The following RHOBTB3 variants were observed in gnomAD, a reference collection of about 807,000 sequenced individuals.
RHOBTB3 encodes Rho related BTB domain containing 3, also known as rho-related BTB domain-containing protein 3.
In RHOBTB3, 47 loss-of-function variants were observed where a neutral mutation model predicts 67.2. The ratio of observed to expected loss-of-function variants is 0.70; its 90% CI spans 0.55 to 0.89. RHOBTB3 has a LOEUF of 0.89. Among genes scored for constraint, RHOBTB3 ranks in the 40% least tolerant of loss-of-function variants. RHOBTB3 has a pLI of 0.00. For synonymous variants in RHOBTB3, 273 were observed against 274.2 expected (o/e 1.00, Z 0.04); for missense variants, 631 against 750.0 (o/e 0.84, Z 1.85).
At chr5:95,768,803 T>C (rs767665637) in intron 8 of RHOBTB3, among the ~76,000 whole-genome samples, 1 of 152,226 alleles carries the variant, frequency 6.6e-6, no homozygotes, top group Non-Finnish European at 1.5e-5. Context: ...TATTGATCAC[T>C]GGCTTGGATA....
At chr5:95,758,938 G>A (rs1745320448) in intron 6 of RHOBTB3, among the ~76,000 whole-genome samples, 1 of 152,218 alleles carries the variant, frequency 6.6e-6, no homozygotes, top group Non-Finnish European at 1.5e-5. Context: ...GGCCCAGGAA[G>A]GCTACCAAGT....
intron 9 of RHOBTB3, 81 bp from the exon 10 acceptor site, chr5:95,783,716 T>C: frequency 3.3e-6 from 4 of 1,223,674 alleles, no homozygotes; most frequent in Non-Finnish European, 4.6e-6. Flanking sequence ...TTAATTGTTG[T>C]TTTTTGTTGG....
At chr5:95,719,605 TA>T (rs746669330) in intron 1 of RHOBTB3, 4 of 152,210 alleles carry the variant, frequency 2.6e-5, no homozygotes, top group African/African-American at 9.6e-5. Flanking sequence ...AATCTAATAG[TA>T]AAAAACATAT....
intron 9 of RHOBTB3, among the ~76,000 whole-genome samples, chr5:95,783,241 C>A (rs1204003379): frequency 6.6e-6 from 1 of 152,012 alleles, no homozygotes; most frequent in East Asian, 1.9e-4. Flanking sequence ...CCTGCCTCAG[C>A]CTCCCCAGTA....
In RHOBTB3 at chr5:95,731,856, C is replaced by CAG. The variant is rs779063173; in HGVS notation, c.3-2_3-1dup. The CAG allele has an allele frequency of 6.2e-7, 1 of 1,611,226 alleles. No homozygotes were observed. The highest frequency in any genetic ancestry group is 8.5e-7 in the Non-Finnish European group (1 of 1,177,920). On this transcript the variant is annotated splice_region_variant and splice_polypyrimidine_tract_variant and intron_variant, in intron 1 of 11. Transcript: ENST00000379982. ...TCTCCCCTCGCCCCCTCTGTCCGTG[C>CAG]AGGTCCATCCACATCGTGGCGCTGG...
In RHOBTB3 at chr5:95,768,171, G is replaced by A. The variant is rs375385622; in HGVS notation, c.1282+5G>A. 25 of 1,600,162 alleles carry A rather than the reference G, an allele frequency of 1.6e-5. No homozygotes were observed. In the African/African-American group the frequency reaches 2.4e-4, roughly 16 times the overall value. Reference sequence around the variant, plus strand: ...ATGTTGTCTTCGAAATTCAAGGTACGGATCAACTTTTACAAAGTTTATGAT... The same window carrying A: ...ATGTTGTCTTCGAAATTCAAGGTACAGATCAACTTTTACAAAGTTTATGAT... On this transcript the variant is annotated splice_donor_5th_base_variant and intron_variant, in intron 8 of 11. Transcript: ENST00000379982.
chr5:95,762,877 G>A (rs769297589), intron 6 of RHOBTB3, among the ~76,000 whole-genome samples: 1 of 152,212 alleles, frequency 6.6e-6, no homozygotes, highest in South Asian at 2.1e-4. Flanking sequence ...GAGGCTGACA[G>A]AGTGGGAGAA....
chr5:95,721,714 A>G (rs1253092484), intron 1 of RHOBTB3, among the ~76,000 whole-genome samples: 1 of 151,326 alleles, frequency 6.6e-6, no homozygotes, highest in Non-Finnish European at 1.5e-5. Flanking sequence ...AAAAAGGAAC[A>G]TGAAGATCAG....
intron 8 of RHOBTB3, among the ~76,000 whole-genome samples, chr5:95,778,178 T>C (rs1043523490): frequency 2.6e-5 from 4 of 151,960 alleles, no homozygotes; most frequent in Admixed American, 1.3e-4. Flanking sequence ...TCCAAGGACC[T>C]CCTGCAGATA....
rs747195582 is a variant in RHOBTB3 at position 95,763,653 on chromosome 5, G to GA, written c.1161+34dup. 1.2e-5 allele frequency: 16 copies of GA among 1,285,192 alleles called. No homozygotes were observed. The East Asian group carries it at 3.5e-4, about 28-fold the overall frequency. 79.6% of individuals were successfully genotyped at this position (1,285,192 alleles called of 1,614,324 possible). A position where few individuals can be genotyped will look rare whatever the true frequency, so the allele number is the denominator to read the frequency against. On this transcript the variant is annotated intron_variant, in intron 7 of 11. Transcript: ENST00000379982. ...GATTTGTTGTAAGTTAGTTTACTTT[G>GA]ACCCTCTGAATTATAACTCACATAC... is the stretch of plus-strand genomic sequence containing the variant.
rs1745218909 is a variant in RHOBTB3 at position 95,755,559 on chromosome 5, G to C, written c.846G>C (p.Met282Ile). ...TCTGCGCTGTAAGCCATGTTTTCAT[G>C]CTGCTTTTCAATGTGAAGAGTCCCA... is the stretch of plus-strand genomic sequence containing the variant. Reference protein sequence around the residue: ...IVLCAVSHVFMLLFNVKSPTD... With the variant: ...IVLCAVSHVFILLFNVKSPTD... Residue 282 changes from methionine to isoleucine, a missense_variant, in exon 6 of 12, where the codon ATG becomes ATC. By Grantham distance (10) the Met-to-Ile change is conservative. Coordinates refer to ENST00000379982, the MANE Select transcript of RHOBTB3 (RefSeq NM_014899.4). The C allele has an allele frequency of 1.9e-6, 3 of 1,614,120 alleles. No individual in the cohort carries two copies. In the East Asian group the frequency reaches 6.7e-5, roughly 36 times the overall value.
At position 95,791,391 on chromosome 5, in the gene RHOBTB3, C is replaced by T. The variant is rs767946725; in HGVS notation, c.1721-1668C>T. Among the ~76,000 whole-genome samples, 11 of 152,104 alleles carry T rather than the reference C, an allele frequency of 7.2e-5. No homozygotes were observed. The South Asian group carries it at 1.0e-3, about 14-fold the overall frequency. ...TCATTATTCTCGCAGTTTAATTTAG[C>T]TCGATATTATGTGTTCTGTGTTATG... On this transcript the variant is annotated intron_variant, in intron 11 of 11. Coordinates refer to ENST00000379982, the MANE Select transcript of RHOBTB3 (RefSeq NM_014899.4).
intron 7 of RHOBTB3, among the ~76,000 whole-genome samples, chr5:95,765,693 G>C (rs890630145): frequency 8.5e-5 from 13 of 152,286 alleles, no homozygotes; most frequent in Middle Eastern, 3.4e-3. Flanking sequence ...ACGGAGTCTC[G>C]CTCTATCGCC....
At position 95,758,516 on chromosome 5, in the gene RHOBTB3, T is replaced by C. The variant is rs1018211453; in HGVS notation, c.1048+2755T>C. Among the ~76,000 whole-genome samples the C allele has an allele frequency of 7.2e-5, 11 of 152,172 alleles. 1 individual carries two copies. The highest frequency in any genetic ancestry group is 2.7e-4 in the African/African-American group (11 of 41,424). On this transcript the variant is annotated intron_variant, in intron 6 of 11. Transcript: ENST00000379982. ...GAAGCTGTTCCTGCTGCTCTTAGAC[T>C]TGTGCTAGAGTTTTAAGCATGATCA...
At chr5:95,778,360 A>G (rs895222341) in intron 8 of RHOBTB3, among the ~76,000 whole-genome samples, 1 of 151,388 alleles carries the variant, frequency 6.6e-6, no homozygotes, top group Non-Finnish European at 1.5e-5. Flanking sequence ...AATAATGACA[A>G]TTTTTTAAAA....
intron 8 of RHOBTB3, chr5:95,770,077 G>A: frequency 3.2e-6 from 1 of 310,340 alleles, no homozygotes; most frequent in Non-Finnish European, 6.5e-6. Flanking sequence ...GTGATGCTAT[G>A]CTCTTTAAAG....
Position 95,731,522 on chromosome 5 carries a change from C to T in RHOBTB3, c.-161C>T, listed in dbSNP as rs1395004623. On this transcript the variant is annotated 5_prime_UTR_variant, in exon 1 of 12. Transcript: ENST00000379982. ...CCGGCTCGCTCGCTGGCTGGCGCGG[C>T]CCCGGCCCCGCTCTGCGTCGGCCCC... 3 of 1,297,968 alleles carry T rather than the reference C, an allele frequency of 2.3e-6. No homozygotes were observed. The highest frequency in any genetic ancestry group is 1.6e-5 in the African/African-American group (1 of 64,020). 80.4% of individuals were successfully genotyped at this position (1,297,968 alleles called of 1,614,324 possible).
At chr5:95,722,559 C>T (rs998725078) in intron 1 of RHOBTB3, among the ~76,000 whole-genome samples, 2 of 152,050 alleles carry the variant, frequency 1.3e-5, no homozygotes, top group Non-Finnish European at 2.9e-5. Context: ...GGCGTGACCT[C>T]GGCTCACGCA....
intron 1 of RHOBTB3, among the ~76,000 whole-genome samples, chr5:95,720,294 G>C (rs1754830476): frequency 6.6e-6 from 1 of 151,514 alleles, no homozygotes; most frequent in Non-Finnish European, 1.5e-5. Context: ...GACATTTCTA[G>C]CTCAGTTGTT....
Sources: allele counts gnomAD v4.1 joint callset (sites outside exome capture counted in the v4.1 genomes callset), GRCh38; gene constraint gnomAD v4.1.1; transcripts MANE v1.5; gene names NCBI Gene and HGNC (gene_info 2026-07-23, HGNC 2026-07-21).